Variants in DCP1A observed in about 807,000 individuals in gnomAD.
DCP1A encodes the protein decapping mRNA 1A, also known as mRNA-decapping enzyme 1A.
In DCP1A, 20 loss-of-function variants were observed where a neutral mutation model predicts 58.0. The ratio of observed to expected loss-of-function variants is 0.34; its 90% confidence interval spans 0.24 to 0.50. The LOEUF is 0.50. Among genes scored for constraint, DCP1A ranks in the 20% least tolerant of loss-of-function variants. The pLI, the probability that DCP1A is intolerant of heterozygous loss-of-function variation, is 0.98. For synonymous variants in DCP1A, 285 were observed against 275.1 expected (o/e 1.04, Z -0.36); for missense variants, 613 against 712.2 (o/e 0.86, Z 1.59).
At chr3:53,287,784 C>T in intron 9 of DCP1A, 124 bp from the exon 10 acceptor site, 1 of 706,814 alleles carries the variant, frequency 1.4e-6, no homozygotes, top group Admixed American at 2.5e-5. Context: ...ATCCCACCAC[C>T]CAGAGACAAT....
chr3:53,312,316 C>T lies in DCP1A; in HGVS notation c.435G>A (p.Gln145=). The stretch of plus-strand genomic sequence containing the variant: ...GCCTGTGGTCGCTGCAGCCATTGGC[C>T]TGGCTGGGACTCTGTTTGTCCCGAG... The part of the protein sequence containing the change: ...QAARDKQSPS[Q]ANGCSDHRPI... The change falls in exon 5 of 10, where the codon CAG becomes CAA. Residue 145 remains glutamine, a synonymous_variant. Coordinates refer to ENST00000610213, the MANE Select transcript of DCP1A (RefSeq NM_018403.7). 11 of 1,613,592 alleles carry T rather than the reference C, an allele frequency of 6.8e-6. No individual in the cohort carries two copies. Among genetic ancestry groups the T allele is most frequent in the Non-Finnish European group, 9.3e-6 (11 of 1,179,772 alleles).
In DCP1A at chr3:53,286,663, A is replaced by G. The variant is rs1706645652; in HGVS notation, c.*917T>C. 6.6e-6 allele frequency: 1 copy of G among 152,310 alleles called. No individual in the cohort carries two copies. The highest frequency in any genetic ancestry group is 2.4e-5 in the African/African-American group (1 of 41,564). 9.4% of individuals were successfully genotyped at this position (152,310 alleles called of 1,614,324 possible). A position where few individuals can be genotyped will look rare whatever the true frequency, so the allele number is the denominator to read the frequency against. On this transcript the variant is annotated 3_prime_UTR_variant, in exon 10 of 10. Transcript: ENST00000610213. ...ATAGCTTTAAAACTATTCTCAGTAC[A>G]CTCAAGGAAAGGAACCAGAATGGCT...
intron 3 of DCP1A, among the ~76,000 whole-genome samples, chr3:53,338,643 C>T (rs997106102): frequency 3.9e-5 from 6 of 152,002 alleles, no homozygotes; most frequent in Admixed American, 2.0e-4. Flanking sequence ...AGGTGGATCA[C>T]GAGGTCAGGA....
chr3:53,311,949 G>GT (rs1405165049), intron 5 of DCP1A, among the ~76,000 whole-genome samples: 2 of 134,666 alleles, frequency 1.5e-5, no homozygotes, highest in African/African-American at 2.5e-5. Flanking sequence ...AGACACATCT[G>GT]TTTTAAAAAA....
At chr3:53,344,037 G>C (rs1320198934) in intron 2 of DCP1A, among the ~76,000 whole-genome samples, 1 of 152,114 alleles carries the variant, frequency 6.6e-6, no homozygotes, top group Non-Finnish European at 1.5e-5. Context: ...AGTGCATTTA[G>C]ACGAGATCTC....
At chr3:53,315,777 G>T (rs187492651) in intron 4 of DCP1A, among the ~76,000 whole-genome samples, 1 of 107,286 alleles carries the variant, frequency 9.3e-6, no homozygotes, top group African/African-American at 3.4e-5. Context: ...TTTTTGAGAC[G>T]GAGTCTCGCT....
At chr3:53,307,067 A>C (rs1253683002) in intron 5 of DCP1A, among the ~76,000 whole-genome samples, 1 of 149,374 alleles carries the variant, frequency 6.7e-6, no homozygotes, top group African/African-American at 2.5e-5. Flanking sequence ...GCCTCCCTCA[A>C]CCTCCCAAGT....
chr3:53,326,988 C>T, intron 3 of DCP1A, among the ~76,000 whole-genome samples: 1 of 148,210 alleles, frequency 6.7e-6, no homozygotes, highest in African/African-American at 2.5e-5. Flanking sequence ...CCCCCCCCCC[C>T]AACTGGTATT....
chr3:53,319,469 C>T lies in DCP1A; in HGVS notation c.309G>A (p.Ser103=), dbSNP rs782484897. The T allele has an allele frequency of 4.7e-5, 73 of 1,550,640 alleles. No individual in the cohort carries two copies. The East Asian group carries it at 1.6e-3, about 33-fold the overall frequency. ...TGTCATAAAACCAGATACTATATAT[C>T]GACACTTGAAAAACAAAGGGAAAAA... is the stretch of plus-strand genomic sequence containing the variant. ...PFLLYRNASL[S]IYSIWFYDKN... is the part of the protein sequence containing the mutation. The change falls in exon 4 of 10, where the codon TCG becomes TCA. Residue 103 remains serine, a synonymous_variant. Transcript: ENST00000610213.
In DCP1A at chr3:53,284,531, T is replaced by A. The variant is rs1463833655; in HGVS notation, c.*3049A>T. 1 of 106,354 alleles carries A rather than the reference T, an allele frequency of 9.4e-6. No homozygotes were observed. Among genetic ancestry groups the A allele is most frequent in the African/African-American group, 4.4e-5 (1 of 22,574 alleles). 6.6% of individuals were successfully genotyped at this position (106,354 alleles called of 1,614,324 possible). A position where few individuals can be genotyped will look rare whatever the true frequency, so the allele number is the denominator to read the frequency against. The stretch of plus-strand genomic sequence containing the variant: ...TAGAGAGGGGCCCAGCGTGACTTTT[T>A]TTTTTTTTTTTTTTTTTTTTTTTTT... On this transcript the variant is annotated 3_prime_UTR_variant, in exon 10 of 10. Transcript: ENST00000610213.
chr3:53,292,070 T>G lies in DCP1A; in HGVS notation c.1382A>C (p.Gln461Pro). The G allele has an allele frequency of 3.7e-6, 5 of 1,342,054 alleles. No homozygotes were observed. The highest frequency in any genetic ancestry group is 5.2e-6 in the Non-Finnish European group (5 of 963,898). 83.1% of individuals were successfully genotyped at this position (1,342,054 alleles called of 1,614,324 possible). ...SLSNMVLAPL[Q>P]SMQQNQDPEV... ...CCACCCCCACCCTCCTGCCATTACC[T>G]GAAGGGGAGCAAGCACCATGTTGCT... Residue 461 changes from glutamine to proline, a missense_variant and splice_region_variant, in exon 7 of 10, where the codon CAG becomes CCG. Transcript: ENST00000610213.
intron 2 of DCP1A, among the ~76,000 whole-genome samples, chr3:53,343,286 T>C (rs150560232): frequency 5.0e-4 from 76 of 152,328 alleles, no homozygotes; most frequent in African/African-American, 1.8e-3. Context: ...TATGAAGTAA[T>C]AGCTGCAAAG....
At chr3:53,327,696 CAGA>C (rs1308749282) in intron 3 of DCP1A, among the ~76,000 whole-genome samples, 1 of 150,548 alleles carries the variant, frequency 6.6e-6, no homozygotes, top group Non-Finnish European at 1.5e-5. Context: ...GAGGCCGAGG[CAGA>C]AGAATTGCTT....
At chr3:53,298,274 C>G (rs1294382348) in intron 6 of DCP1A, among the ~76,000 whole-genome samples, 1 of 152,208 alleles carries the variant, frequency 6.6e-6, no homozygotes, top group African/African-American at 2.4e-5. Context: ...TGGTAGAACC[C>G]TGACCCCTGA....
At chr3:53,314,205 A>C (rs1553688958) in intron 4 of DCP1A, among the ~76,000 whole-genome samples, 1 of 152,026 alleles carries the variant, frequency 6.6e-6, no homozygotes, top group Non-Finnish European at 1.5e-5. Context: ...GTTGATTTTT[A>C]AGCATGCTAA....
chr3:53,289,568 T>C (rs1312881233), intron 8 of DCP1A, among the ~76,000 whole-genome samples: 1 of 149,836 alleles, frequency 6.7e-6, no homozygotes, highest in Non-Finnish European at 1.5e-5. Flanking sequence ...GCTGAGATAG[T>C]GCCACTGCAC....
intron 5 of DCP1A, among the ~76,000 whole-genome samples, chr3:53,311,755 T>A (rs1256183710): frequency 1.3e-5 from 2 of 152,108 alleles, no homozygotes; most frequent in Non-Finnish European, 2.9e-5. Context: ...GAAACTGCAG[T>A]GGTGAAGAAG....
At chr3:53,314,012 G>A (rs1215687408) in intron 4 of DCP1A, among the ~76,000 whole-genome samples, 19 of 151,944 alleles carry the variant, frequency 1.3e-4, no homozygotes, top group Non-Finnish European at 2.6e-4. Flanking sequence ...TGGGATTAAA[G>A]GCATGAATTA....
chr3:53,293,976 G>A (rs562314814), intron 6 of DCP1A, among the ~76,000 whole-genome samples: 1 of 152,312 alleles, frequency 6.6e-6, no homozygotes, highest in East Asian at 1.9e-4. Flanking sequence ...TCAGTGGGAA[G>A]GAAGGCACTA....
Sources: allele counts gnomAD v4.1 joint callset (sites outside exome capture counted in the v4.1 genomes callset), GRCh38; gene constraint gnomAD v4.1.1; transcripts MANE v1.5; gene names NCBI Gene and HGNC (gene_info 2026-07-23, HGNC 2026-07-21).